The following GPC6 variants were observed in gnomAD, a reference collection of about 807,000 sequenced individuals.
GPC6 encodes glypican-6.
GPC6 carries 14 observed loss-of-function variants against 55.2 expected under a neutral mutation model. The observed-to-expected ratio is 0.25, with a 90% CI of 0.17 to 0.40. The LOEUF (loss-of-function observed/expected upper bound fraction) is 0.40, where lower values mean the gene tolerates loss of function less well. Ranked by LOEUF, GPC6 falls within the 10% of genes least tolerant of loss-of-function variation. The probability of loss-of-function intolerance (pLI) is 1.00; values close to 1 mark genes in which losing one functional copy is unlikely to be tolerated. For synonymous variants in GPC6, 278 were observed against 259.6 expected, an observed-to-expected ratio of 1.07 and a Z score of -0.68; for missense variants, 641 against 708.5, an observed-to-expected ratio of 0.90 and a Z score of 1.08.
chr13:94,167,981 A>G (rs980975666), intron 4 of GPC6, among the ~76,000 whole-genome samples: 6 of 152,196 alleles, frequency 3.9e-5, no homozygotes, highest in African/African-American at 1.4e-4. Flanking sequence ...TCACTATATC[A>G]TAGGTTACAC....
In GPC6 at chr13:94,335,576, T is replaced by C. The variant is rs141352067; in HGVS notation, c.1152+29453T>C. 2.8e-3 allele frequency among the ~76,000 whole-genome samples: 402 copies of C among 144,034 alleles called. 5 individuals are homozygous for C. The highest frequency in any genetic ancestry group is 9.7e-3 in the African/African-American group (381 of 39,298). 94.5% of individuals were successfully genotyped at this position (144,034 alleles called of 152,430 possible). On this transcript the variant is annotated intron_variant, in intron 6 of 8. Transcript: ENST00000377047. ...AGTAGGATAAATAGTTGCCATAAAATGTCCCTTAAACACTGTTTTAGAATG... is the reference window on the plus strand; with the variant it reads ...AGTAGGATAAATAGTTGCCATAAAACGTCCCTTAAACACTGTTTTAGAATG...
At chr13:94,368,011 T>C (rs1472915050) in intron 6 of GPC6, among the ~76,000 whole-genome samples, 2 of 151,806 alleles carry the variant, frequency 1.3e-5, no homozygotes, top group South Asian at 2.1e-4. Flanking sequence ...TAGCTGGGCA[T>C]GGTGACACAC....
chr13:93,477,342 A>T (rs1229028049), intron 1 of GPC6, among the ~76,000 whole-genome samples: 1 of 152,128 alleles, frequency 6.6e-6, no homozygotes, highest in Non-Finnish European at 1.5e-5. Context: ...TGTTTTTTCC[A>T]TGAATGAGAG....
At chr13:94,029,027 G>A (rs2138722372) in intron 4 of GPC6, among the ~76,000 whole-genome samples, 1 of 152,302 alleles carries the variant, frequency 6.6e-6, no homozygotes, top group Non-Finnish European at 1.5e-5. Flanking sequence ...GCCTCTGAGG[G>A]CCTTCGTCAT....
intron 2 of GPC6, among the ~76,000 whole-genome samples, chr13:93,601,840 C>T (rs1477131390): frequency 1.3e-5 from 2 of 152,260 alleles, no homozygotes; most frequent in East Asian, 3.9e-4. Context: ...ATGGCGATGG[C>T]AGGAACTGCC....
chr13:94,268,087 A>C (rs1172110888), intron 4 of GPC6, among the ~76,000 whole-genome samples: 2 of 152,350 alleles, frequency 1.3e-5, no homozygotes, highest in Admixed American at 1.3e-4. Flanking sequence ...AAATAATTAC[A>C]CAAGGATCTT....
chr13:93,730,228 G>T (rs1437258030), intron 2 of GPC6, among the ~76,000 whole-genome samples: 3 of 152,016 alleles, frequency 2.0e-5, no homozygotes, highest in Non-Finnish European at 4.4e-5. Flanking sequence ...ACTCCTACCA[G>T]GTCCTCTCCT....
At chr13:94,329,090 A>G (rs1001372483) in intron 6 of GPC6, among the ~76,000 whole-genome samples, 12 of 152,152 alleles carry the variant, frequency 7.9e-5, no homozygotes, top group African/African-American at 2.9e-4. Flanking sequence ...TCTCAGCTTT[A>G]TTTCCCTTTT....
At chr13:93,592,316 CTGGGATTA>C (rs1379982840) in intron 2 of GPC6, among the ~76,000 whole-genome samples, 2 of 149,840 alleles carry the variant, frequency 1.3e-5, no homozygotes, top group African/African-American at 4.9e-5. Flanking sequence ...TCCTGAGTAG[CTGGGATTA>C]CAGGCGTGCG....
chr13:94,124,619 A>G (rs899288662), intron 4 of GPC6, among the ~76,000 whole-genome samples: 1 of 152,080 alleles, frequency 6.6e-6, no homozygotes, highest in Admixed American at 6.6e-5. Flanking sequence ...AAACGGGTCA[A>G]GAGAAGGCTG....
In GPC6 at chr13:94,407,637, C is replaced by A. The variant is rs1881420250; in HGVS notation, c.*4420C>A. On this transcript the variant is annotated 3_prime_UTR_variant, in exon 9 of 9. Coordinates refer to ENST00000377047, the MANE Select transcript of GPC6 (RefSeq NM_005708.5). ...GTATGGAAAATACTGTAGCGCTGTTCTTTTGTACTGATTTCTTCTCAGAGG... is the reference window on the plus strand; with the variant it reads ...GTATGGAAAATACTGTAGCGCTGTTATTTTGTACTGATTTCTTCTCAGAGG... Among the ~76,000 whole-genome samples, 1 of 152,104 alleles carries A rather than the reference C, an allele frequency of 6.6e-6. No individual in the cohort carries two copies. Among genetic ancestry groups the A allele is most frequent in the Admixed American group, 6.6e-5 (1 of 15,266 alleles).
intron 3 of GPC6, among the ~76,000 whole-genome samples, chr13:93,835,524 A>C (rs1235342811): frequency 3.9e-5 from 6 of 152,156 alleles, no homozygotes; most frequent in African/African-American, 1.2e-4. Context: ...AGGCCGAGAC[A>C]GGCAGATTAC....
chr13:93,859,758 C>T (rs1201602977), intron 3 of GPC6, among the ~76,000 whole-genome samples: 1 of 151,610 alleles, frequency 6.6e-6, no homozygotes, highest in Non-Finnish European at 1.5e-5. Context: ...TAGAAGGCAT[C>T]TATAGAGTTC....
chr13:93,611,448 A>T (rs989074719), intron 2 of GPC6, among the ~76,000 whole-genome samples: 1 of 152,198 alleles, frequency 6.6e-6, no homozygotes, highest in Admixed American at 6.5e-5. Context: ...TCCATATTGT[A>T]GTACAGATGT....
intron 2 of GPC6, among the ~76,000 whole-genome samples, chr13:93,695,640 T>C (rs1882425458): frequency 6.6e-6 from 1 of 152,084 alleles, no homozygotes; most frequent in South Asian, 2.1e-4. Flanking sequence ...TTAAAAAATA[T>C]CTTTAAACAT....
At position 94,359,652 on chromosome 13, in the gene GPC6, T is replaced by C. The variant is rs145537795; in HGVS notation, c.1153-22762T>C. On this transcript the variant is annotated intron_variant, in intron 6 of 8. Transcript: ENST00000377047. Reference sequence around the variant, plus strand: ...TAATTATTTACATTCAGAGCTCCTTTTGCTGAGACCTTTTTTTTTTTGAAG... The same window carrying C: ...TAATTATTTACATTCAGAGCTCCTTCTGCTGAGACCTTTTTTTTTTTGAAG... Among the ~76,000 whole-genome samples, 859 of 151,252 alleles carry C rather than the reference T, an allele frequency of 5.7e-3. 6 individuals are homozygous for C. Among genetic ancestry groups the C allele is most frequent in the African/African-American group, 0.02 (830 of 40,574 alleles).
intron 1 of GPC6, among the ~76,000 whole-genome samples, chr13:93,454,201 A>T (rs1285699890): frequency 6.9e-6 from 1 of 145,656 alleles, no homozygotes; most frequent in Admixed American, 6.9e-5. Context: ...CTAGATACAG[A>T]GTGCCAATTG....
chr13:94,340,576 G>C (rs1877982392), intron 6 of GPC6, among the ~76,000 whole-genome samples: 1 of 152,142 alleles, frequency 6.6e-6, no homozygotes, highest in Non-Finnish European at 1.5e-5. Flanking sequence ...TATTGTGATA[G>C]ATACATGTGT....
intron 3 of GPC6, among the ~76,000 whole-genome samples, chr13:93,980,579 C>T (rs1481372601): frequency 1.3e-5 from 2 of 152,106 alleles, no homozygotes; most frequent in Non-Finnish European, 2.9e-5. Flanking sequence ...TTTCGATTCC[C>T]AGCCACACCT....
Sources: gnomAD v4.1 joint callset for allele counts (sites outside exome capture counted in the v4.1 genomes callset) on GRCh38, gnomAD v4.1.1 for gene constraint, MANE v1.5 for transcripts, NCBI Gene and HGNC (gene_info 2026-07-23, HGNC 2026-07-21) for gene names.